PRDM6: variants seen among roughly 807,000 people sequenced by gnomAD.
PRDM6 encodes the protein putative histone-lysine N-methyltransferase PRDM6.
PRDM6 carries 25 observed loss-of-function variants against 60.8 expected under a neutral mutation model. That is an observed-to-expected ratio of 0.41 (90% CI 0.30 to 0.57). The LOEUF (loss-of-function observed/expected upper bound fraction) is 0.57. Ranked by LOEUF, PRDM6 falls within the 20% of genes least tolerant of loss-of-function variation. PRDM6 has a pLI of 0.27. For synonymous variants in PRDM6, 407 were observed against 357.4 expected, an observed-to-expected ratio of 1.14 and a Z score of -1.57; for missense variants, 839 against 821.3, an observed-to-expected ratio of 1.02 and a Z score of -0.26.
chr5:123,186,575 G>A (rs572074222), intron 7 of PRDM6, among the ~76,000 whole-genome samples: 1 of 152,250 alleles, frequency 6.6e-6, no homozygotes, highest in South Asian at 2.1e-4. Flanking sequence ...CAGCGACCAC[G>A]CCTACTGCCC....
At chr5:123,153,954 G>A (rs905870706) in intron 3 of PRDM6, among the ~76,000 whole-genome samples, 1 of 152,150 alleles carries the variant, frequency 6.6e-6, no homozygotes, top group South Asian at 2.1e-4. Flanking sequence ...CTTGAGGGAA[G>A]GGAGGGTAGG....
At chr5:123,167,220 C>G (rs1765772015) in intron 5 of PRDM6, among the ~76,000 whole-genome samples, 1 of 151,640 alleles carries the variant, frequency 6.6e-6, no homozygotes, top group Non-Finnish European at 1.5e-5. Flanking sequence ...AAACTATCGT[C>G]ACCCTACTGA....
At chr5:123,126,373 G>C (rs1358460959) in intron 3 of PRDM6, among the ~76,000 whole-genome samples, 1 of 151,948 alleles carries the variant, frequency 6.6e-6, no homozygotes, top group Admixed American at 6.6e-5. Flanking sequence ...AAAAGTCTGG[G>C]CTCTGATGCA....
At chr5:123,152,908 A>T (rs1365164669) in intron 3 of PRDM6, among the ~76,000 whole-genome samples, 2 of 152,198 alleles carry the variant, frequency 1.3e-5, no homozygotes, top group Non-Finnish European at 2.9e-5. Flanking sequence ...TATTTCAACC[A>T]TATGTGTGAT....
intron 3 of PRDM6, among the ~76,000 whole-genome samples, chr5:123,155,333 A>C (rs566221169): frequency 7.3e-5 from 10 of 137,304 alleles, no homozygotes; most frequent in Non-Finnish European, 9.1e-5. Flanking sequence ...GAAGCCCTAC[A>C]TCTTCTTTGA....
chr5:123,143,866 A>C (rs1311648581), intron 3 of PRDM6, among the ~76,000 whole-genome samples: 4 of 152,244 alleles, frequency 2.6e-5, no homozygotes, highest in Non-Finnish European at 5.9e-5. Context: ...GAACTGTGCT[A>C]TTCATAAGTT....
chr5:123,099,597 GC>G lies in PRDM6; in HGVS notation c.593-56del. The G allele has an allele frequency of 1.4e-6, 2 of 1,400,386 alleles. No individual in the cohort carries two copies. The highest frequency in any genetic ancestry group is 1.9e-6 in the Non-Finnish European group (2 of 1,070,236). The allele number at this position is 1,400,386 out of a possible 1,614,324, so 86.7% of individuals were successfully genotyped here. A position where few individuals can be genotyped will look rare whatever the true frequency, so the allele number is the denominator to read the frequency against. ...TCGGGAGTTTACTCAAAGATGGGCC[GC>G]TCGGGGCGGCCGGATTAACCCGCTC... On this transcript the variant is annotated intron_variant, in intron 2 of 7. Coordinates refer to ENST00000407847, the MANE Select transcript of PRDM6 (RefSeq NM_001136239.4). This position sits in a 1 kb window ranked among gnomAD's most constrained non-coding sequence, Gnocchi z 4.0.
At chr5:123,179,775 G>C (rs1006202796) in intron 6 of PRDM6, among the ~76,000 whole-genome samples, 2 of 152,190 alleles carry the variant, frequency 1.3e-5, no homozygotes, top group African/African-American at 4.8e-5. Context: ...AAGTGCTATG[G>C]AAGCACAAGA....
Position 123,187,026 on chromosome 5 carries a change from G to A in PRDM6, c.1674-61G>A, listed in dbSNP as rs533720117. ...CTGTTCTGATTAGGCAGGATGAGAG[G>A]AAGCCCATCACCCTGCAGGCCCCGC... On this transcript the variant is annotated intron_variant, in intron 7 of 7. Transcript: ENST00000407847. The A allele has an allele frequency of 4.1e-4, 505 of 1,233,034 alleles. No homozygotes were observed. The African/African-American group carries it at 6.0e-3, about 15-fold the overall frequency. The allele number at this position is 1,233,034 out of a possible 1,614,324, so 76.4% of individuals were successfully genotyped here. A position where few individuals can be genotyped will look rare whatever the true frequency, so the allele number is the denominator to read the frequency against.
chr5:123,170,357 T>G (rs1445250055), intron 5 of PRDM6, among the ~76,000 whole-genome samples: 3 of 152,222 alleles, frequency 2.0e-5, no homozygotes, highest in Non-Finnish European at 2.9e-5. Flanking sequence ...TCAGTCAAGC[T>G]GAATCCGTTT....
At chr5:123,135,401 A>G (rs952753144) in intron 3 of PRDM6, among the ~76,000 whole-genome samples, 1 of 152,208 alleles carries the variant, frequency 6.6e-6, no homozygotes, top group African/African-American at 2.4e-5. Context: ...ACAAAAATAA[A>G]ACAGAACAGA....
Position 123,101,707 on chromosome 5 carries a change from A to G in PRDM6, c.900+1746A>G, listed in dbSNP as rs77310415. ...GGGACAAAGACATAAACATGAACAA[A>G]AATCTCATAGTTCATTGTGGGTTTT... On this transcript the variant is annotated intron_variant, in intron 3 of 7. Transcript: ENST00000407847. Among the ~76,000 whole-genome samples the G allele has an allele frequency of 6.7e-3, 1,023 of 152,352 alleles. 14 individuals carry two copies. Among genetic ancestry groups the G allele is most frequent in the African/African-American group, 0.024 (982 of 41,588 alleles).
chr5:123,180,026 A>C, intron 6 of PRDM6, 121 bp from the exon 7 acceptor site: 8 of 976,366 alleles, frequency 8.2e-6, no homozygotes, highest in Non-Finnish European at 1.2e-5. Context: ...CCAAAGCTCT[A>C]TGCCCTGTCT....
At chr5:123,153,319 C>T (rs1388252399) in intron 3 of PRDM6, among the ~76,000 whole-genome samples, 1 of 151,650 alleles carries the variant, frequency 6.6e-6, no homozygotes, top group Non-Finnish European at 1.5e-5. Context: ...CTTATTTGGG[C>T]TAAAATGGTT....
At chr5:123,120,344 T>C (rs1416384158) in intron 3 of PRDM6, among the ~76,000 whole-genome samples, 1 of 152,144 alleles carries the variant, frequency 6.6e-6, no homozygotes, top group Admixed American at 6.5e-5. Flanking sequence ...TGCTGTTTGG[T>C]TGTTGAGTGG....
In PRDM6 at chr5:123,150,924, A is replaced by T. The variant is rs189960639; in HGVS notation, c.901-4960A>T. On this transcript the variant is annotated intron_variant, in intron 3 of 7. Coordinates refer to ENST00000407847, the MANE Select transcript of PRDM6 (RefSeq NM_001136239.4). ...TAGAGTTGAAAGAGATTGGCTTCAA[A>T]AAGCATGTAATATTTTTTAATCCTA... Among the ~76,000 whole-genome samples the T allele has an allele frequency of 9.6e-4, 146 of 152,324 alleles. 4 individuals carry two copies. In the East Asian group the frequency reaches 0.022, roughly 23 times the overall value.
At chr5:123,173,564 T>C (rs958747316) in intron 6 of PRDM6, 1 of 167,120 alleles carries the variant, frequency 6.0e-6, no homozygotes, top group African/African-American at 2.4e-5. Context: ...CCCTGCAGTT[T>C]GTTGGTAAAG....
intron 5 of PRDM6, among the ~76,000 whole-genome samples, chr5:123,161,031 C>T (rs1765618665): frequency 6.6e-6 from 1 of 152,208 alleles, no homozygotes; most frequent in African/African-American, 2.4e-5. Context: ...AGCCAGCCTC[C>T]CCATCTACTA....
intron 2 of PRDM6, among the ~76,000 whole-genome samples, chr5:123,096,659 C>A (rs1358185253): frequency 6.6e-6 from 1 of 152,170 alleles, no homozygotes; most frequent in African/African-American, 2.4e-5. Context: ...CTTTGTCTAG[C>A]CTGCTGTGGA....
Sources: allele counts gnomAD v4.1 joint callset (sites outside exome capture counted in the v4.1 genomes callset), GRCh38; gene constraint gnomAD v4.1.1; non-coding constraint Gnocchi (gnomAD v3.1); transcripts MANE v1.5; gene names NCBI Gene and HGNC (gene_info 2026-07-23, HGNC 2026-07-21).